TRPC5: variants seen among roughly 807,000 people sequenced by gnomAD.
The protein encoded by TRPC5 is short transient receptor potential channel 5.
In TRPC5, 9 loss-of-function variants were observed where a neutral mutation model predicts 56.5. That is an observed-to-expected ratio of 0.16 (90% confidence interval 0.10 to 0.28). TRPC5 has a LOEUF of 0.28. TRPC5 is among the 10% of genes least tolerant of loss of function. The pLI is 1.00. For synonymous variants in TRPC5, 282 were observed against 278.5 expected (o/e 1.01, Z -0.13); for missense variants, 469 against 748.9 (o/e 0.63, Z 4.36).
At chrX:111,963,080 GA>G (rs1222648855) in intron 1 of TRPC5, among the ~76,000 whole-genome samples, 6 of 112,295 alleles carry the variant, frequency 5.3e-5, no homozygotes, top group Non-Finnish European at 9.4e-5. Context: ...CCTAGTCAAA[GA>G]AAGGGGTGAC....
intron 1 of TRPC5, among the ~76,000 whole-genome samples, chrX:112,035,971 G>GTA (rs1352658270): frequency 7.6e-5 from 8 of 105,094 alleles, no homozygotes; most frequent in Non-Finnish European, 1.6e-4. Flanking sequence ...ATATATATAT[G>GTA]TATATATATA....
intron 1 of TRPC5, among the ~76,000 whole-genome samples, chrX:112,051,440 C>T (rs1254444595): frequency 1.8e-5 from 2 of 111,394 alleles, no homozygotes; most frequent in African/African-American, 3.3e-5. Flanking sequence ...CTGCTTTCCC[C>T]ATCCACTGTC....
chrX:111,899,891 G>A (rs977745334), intron 3 of TRPC5, among the ~76,000 whole-genome samples: 4 of 110,900 alleles, frequency 3.6e-5, no homozygotes, highest in Non-Finnish European at 3.8e-5. Flanking sequence ...TCTAGTACCC[G>A]TTCTCCTATA....
At chrX:111,881,800 C>T (rs775590154) in intron 3 of TRPC5, 1 of 111,211 alleles carries the variant, frequency 9.0e-6, no homozygotes, top group Non-Finnish European at 1.9e-5. Context: ...AAGTTTGTTA[C>T]AAACTTGTTA....
At chrX:111,783,209 G>C (rs1569525111) in intron 7 of TRPC5, among the ~76,000 whole-genome samples, 1 of 112,124 alleles carries the variant, frequency 8.9e-6, no homozygotes, top group Non-Finnish European at 1.9e-5. Flanking sequence ...ACCCACTGAA[G>C]AACATTTGGG....
intron 1 of TRPC5, among the ~76,000 whole-genome samples, chrX:112,068,465 G>A (rs1333516483): frequency 8.9e-6 from 1 of 112,241 alleles, no homozygotes; most frequent in Non-Finnish European, 1.9e-5. Flanking sequence ...TGATTGTGGG[G>A]AGAAGAAAGT....
intron 7 of TRPC5, among the ~76,000 whole-genome samples, chrX:111,789,783 A>G (rs1052356467): frequency 1.8e-5 from 2 of 112,949 alleles, no homozygotes; most frequent in Non-Finnish European, 3.7e-5. Context: ...CAAGACATCT[A>G]TGCAGCCAAC....
chrX:111,919,624 G>C (rs754511463), intron 2 of TRPC5, among the ~76,000 whole-genome samples: 29 of 112,012 alleles, frequency 2.6e-4, no homozygotes, highest in African/African-American at 9.1e-4. Context: ...TATACAATGG[G>C]AAAATGACAG....
At chrX:111,894,028 A>T (rs1415763509) in intron 3 of TRPC5, among the ~76,000 whole-genome samples, 1 of 111,592 alleles carries the variant, frequency 9.0e-6, no homozygotes, top group Non-Finnish European at 1.9e-5. Context: ...AACAAGCTAT[A>T]TTGAATGCAT....
At chrX:111,958,184 C>T (rs1927284376) in intron 1 of TRPC5, among the ~76,000 whole-genome samples, 1 of 111,826 alleles carries the variant, frequency 8.9e-6, no homozygotes, top group Non-Finnish European at 1.9e-5. Context: ...CATTTTCCTT[C>T]CTATTGTATA....
chrX:111,790,553 TA>T lies in TRPC5; in HGVS notation c.1897-8416del, dbSNP rs761473793. Among the ~76,000 whole-genome samples the T allele has an allele frequency of 2.5e-3, 281 of 111,824 alleles. 1 individual carries two copies. The highest frequency in any genetic ancestry group is 4.0e-3 in the Non-Finnish European group (212 of 53,157). On this transcript the variant is annotated intron_variant, in intron 7 of 10. Transcript: ENST00000262839. Reference sequence around the variant, plus strand: ...TGCACATGTACCCTAGAACTATAAGTATCATAAATAAATAAATAGGGGAAAA... The same window carrying T: ...TGCACATGTACCCTAGAACTATAAGTTCATAAATAAATAAATAGGGGAAAA...
intron 7 of TRPC5, among the ~76,000 whole-genome samples, chrX:111,816,867 C>T (rs1020947283): frequency 9.0e-6 from 1 of 111,406 alleles, no homozygotes; most frequent in Non-Finnish European, 1.9e-5. Context: ...GCCTTATGTA[C>T]GGTCAGAAAG....
intron 1 of TRPC5, among the ~76,000 whole-genome samples, chrX:112,062,700 A>T (rs925669804): frequency 8.9e-6 from 1 of 112,086 alleles, no homozygotes; most frequent in African/African-American, 3.3e-5. Context: ...ATAGAGAAAG[A>T]TCATACTCAA....
chrX:111,849,901 T>C (rs897998313), intron 5 of TRPC5, among the ~76,000 whole-genome samples: 48 of 112,164 alleles, frequency 4.3e-4, no homozygotes, highest in African/African-American at 1.5e-3. Context: ...AGTTAGTTGT[T>C]GTTGGAGGCA....
chrX:112,037,837 A>G (rs1348956118), intron 1 of TRPC5, among the ~76,000 whole-genome samples: 1 of 111,949 alleles, frequency 8.9e-6, no homozygotes, highest in Non-Finnish European at 1.9e-5. Context: ...ATTGCTGCAT[A>G]ATCTAACTGG....
At chrX:111,882,608 T>C (rs961250748) in intron 3 of TRPC5, among the ~76,000 whole-genome samples, 1 of 113,160 alleles carries the variant, frequency 8.8e-6, no homozygotes, top group African/African-American at 3.2e-5. Context: ...TTAAGCATAG[T>C]TAAGCTCTAG....
chrX:111,936,334 TC>T (rs1418060657), intron 2 of TRPC5, among the ~76,000 whole-genome samples: 123 of 111,183 alleles, frequency 1.1e-3, no homozygotes, highest in Middle Eastern at 9.3e-3. Flanking sequence ...GTTTATCAGT[TC>T]TTTTTTTTTT....
At chrX:112,024,123 T>A (rs1014511289) in intron 1 of TRPC5, among the ~76,000 whole-genome samples, 3 of 111,902 alleles carry the variant, frequency 2.7e-5, no homozygotes, top group African/African-American at 9.7e-5. Flanking sequence ...TTTCCCAAGT[T>A]CTATCTCCCT....
chrX:112,021,328 G>A (rs746671909), intron 1 of TRPC5, among the ~76,000 whole-genome samples: 4 of 111,680 alleles, frequency 3.6e-5, no homozygotes, highest in Admixed American at 9.5e-5. Flanking sequence ...TAGAATAAAC[G>A]AAACAAAAAC....
Sources: gnomAD v4.1 joint callset for allele counts (sites outside exome capture counted in the v4.1 genomes callset) on GRCh38, gnomAD v4.1.1 for gene constraint, MANE v1.5 for transcripts, NCBI Gene and HGNC (gene_info 2026-07-23, HGNC 2026-07-21) for gene names.